Variants in DNM1 observed in about 807,000 individuals in gnomAD.
DNM1 encodes dynamin-1.
A neutral mutation model predicts 104.6 loss-of-function variants in DNM1; 29 were observed. That is an observed-to-expected ratio of 0.28 (90% CI 0.21 to 0.38). The LOEUF (loss-of-function observed/expected upper bound fraction) is 0.38. Among genes scored for constraint, DNM1 ranks in the 10% least tolerant of loss-of-function variants. The pLI is 1.00. For synonymous variants in DNM1, 445 were observed against 475.8 expected (o/e 0.94, Z 0.84); for missense variants, 640 against 1,189.4 (o/e 0.54, Z 6.79).
chr9:128,207,212 T>C (rs1321459463), intron 1 of DNM1, among the ~76,000 whole-genome samples: 2 of 152,070 alleles, frequency 1.3e-5, no homozygotes, highest in African/African-American at 2.4e-5. Context: ...GAGCCTGAGA[T>C]GCCTGTTAGA....
At chr9:128,219,003 G>T (rs1834782152) in intron 3 of DNM1, 46 bp from the exon 4 acceptor site, 1 of 1,602,494 alleles carries the variant, frequency 6.2e-7, no homozygotes. Context: ...CCTCGCCCGC[G>T]GCCACGCCCC....
intron 14 of DNM1, among the ~76,000 whole-genome samples, chr9:128,241,802 G>A (rs1307607181): frequency 6.6e-6 from 1 of 152,096 alleles, no homozygotes; most frequent in Non-Finnish European, 1.5e-5. Flanking sequence ...AATTTGCCAG[G>A]CAAAAAGGAA....
intron 1 of DNM1, among the ~76,000 whole-genome samples, chr9:128,210,005 C>T (rs1440919344): frequency 6.6e-6 from 1 of 152,154 alleles, no homozygotes; most frequent in African/African-American, 2.4e-5. Context: ...CTGATGTCTT[C>T]TATCATTCCA....
intron 10 of DNM1, among the ~76,000 whole-genome samples, chr9:128,229,600 CAAAAAAAAA>C (rs56072236): frequency 6.0e-5 from 4 of 66,698 alleles, no homozygotes; most frequent in African/African-American, 1.8e-4. Flanking sequence ...AAAACCTTAT[CAAAAAAAAA>C]AAAAAAAAAA....
At chr9:128,246,812 C>T (rs1479781695) in intron 16 of DNM1, 6 of 436,766 alleles carry the variant, frequency 1.4e-5, no homozygotes, top group African/African-American at 8.0e-5. Context: ...CTCCCTCCCT[C>T]CGTCCCTTCC....
chr9:128,253,034 C>T lies in DNM1; in HGVS notation c.2535-1620C>T, dbSNP rs1444638244. On this transcript the variant is annotated intron_variant, in intron 21 of 21. Coordinates refer to ENST00000372923, the MANE Select transcript of DNM1 (RefSeq NM_004408.4). The surrounding 1 kb of genome is among the most constrained non-coding windows in gnomAD (Gnocchi z 5.9). ...CGCCCGGGCGTGTGCGTGTGTGTGT[C>T]CCCCACCCCCAGGCCGGCCCCACCC... 38 of 1,529,026 alleles carry T rather than the reference C, an allele frequency of 2.5e-5. No individual in the cohort carries two copies. The highest frequency in any genetic ancestry group is 3.2e-5 in the Non-Finnish European group (35 of 1,106,836). 94.7% of individuals were successfully genotyped at this position (1,529,026 alleles called of 1,614,324 possible).
Position 128,248,903 on chromosome 9 carries a change from T to G in DNM1, c.2076+150T>G. On this transcript the variant is annotated intron_variant, in intron 19 of 21. Transcript: ENST00000372923. This position sits in a 1 kb window ranked among gnomAD's most constrained non-coding sequence, Gnocchi z 5.6. ...AGACCAGAGCTGTCCAATAGAAATATCATGAGGGGCTGGGCGCGGTGGCTC... is the reference window on the plus strand; with the variant it reads ...AGACCAGAGCTGTCCAATAGAAATAGCATGAGGGGCTGGGCGCGGTGGCTC... 2.3e-6 allele frequency: 2 copies of G among 865,502 alleles called. No individual in the cohort carries two copies. The highest frequency in any genetic ancestry group is 3.5e-6 in the Non-Finnish European group (2 of 569,528). The allele number at this position is 865,502 out of a possible 1,614,324, so 53.6% of individuals were successfully genotyped here. A position where few individuals can be genotyped will look rare whatever the true frequency, so the allele number is the denominator to read the frequency against.
chr9:128,235,840 G>A (rs907074607), intron 11 of DNM1, among the ~76,000 whole-genome samples: 2 of 152,028 alleles, frequency 1.3e-5, no homozygotes, highest in African/African-American at 2.4e-5. Flanking sequence ...TTAGCCTCCC[G>A]AGTAGCTGGG....
chr9:128,250,012 C>A, intron 19 of DNM1, 103 bp from the exon 20 acceptor site: 1 of 1,563,700 alleles, frequency 6.4e-7, no homozygotes, highest in Non-Finnish European at 8.8e-7. Context: ...GGAGCCGCGT[C>A]TGAAAAGCCA....
chr9:128,225,060 C>T (rs978947707), intron 10 of DNM1, among the ~76,000 whole-genome samples: 6 of 152,146 alleles, frequency 3.9e-5, no homozygotes, highest in African/African-American at 1.2e-4. Flanking sequence ...ACAGGGAGGA[C>T]GGTGCCCATT....
chr9:128,251,077 C>A (rs1167491175), intron 21 of DNM1, 137 bp downstream of exon 21: 7 of 684,938 alleles, frequency 1.0e-5, no homozygotes, highest in Non-Finnish European at 1.8e-5. Context: ...CTCTGGGTGC[C>A]GGAGCCACGC....
rs1216428172 is a variant in DNM1, at chr9:128,224,834, AG to A, written c.1335+447del. Among the ~76,000 whole-genome samples, 1 of 152,118 alleles carries A rather than the reference AG, an allele frequency of 6.6e-6. No individual in the cohort carries two copies. Among genetic ancestry groups the A allele is most frequent in the Non-Finnish European group, 1.5e-5 (1 of 68,010 alleles). ...GCCTGGGTGGCCAGAGGGGGTGCAG[AG>A]GACCCAGGACTAGCAGGTGCCCTGG... On this transcript the variant is annotated intron_variant, in intron 10 of 21. Coordinates refer to ENST00000372923, the MANE Select transcript of DNM1 (RefSeq NM_004408.4). This position sits in a 1 kb window ranked among gnomAD's most constrained non-coding sequence, Gnocchi z 4.3.
chr9:128,249,358 A>T (rs1829367339), intron 19 of DNM1, among the ~76,000 whole-genome samples: 1 of 151,854 alleles, frequency 6.6e-6, no homozygotes, highest in Admixed American at 6.6e-5. Context: ...CAAAAATTTT[A>T]AAGAATAGCG....
At chr9:128,211,559 A>G (rs1421568345) in intron 1 of DNM1, among the ~76,000 whole-genome samples, 6 of 135,846 alleles carry the variant, frequency 4.4e-5, no homozygotes, top group South Asian at 2.4e-4. Flanking sequence ...GCCTCAAGCC[A>G]GGTCTCAAAC....
rs908317275 is a variant in DNM1 at position 128,247,786 on chromosome 9, C to T, written c.1894-138C>T. On this transcript the variant is annotated intron_variant, in intron 17 of 21. Coordinates refer to ENST00000372923, the MANE Select transcript of DNM1 (RefSeq NM_004408.4). The surrounding 1 kb of genome is among the most constrained non-coding windows in gnomAD (Gnocchi z 5.1). The stretch of plus-strand genomic sequence containing the variant: ...TCTTTTCTCCCCTATTTCACTGTGG[C>T]GATGTCTAGAGTAGCCTGAGAGTTG... The T allele has an allele frequency of 1.3e-5, 15 of 1,134,894 alleles. No individual in the cohort carries two copies. In the East Asian group the frequency reaches 2.1e-4, roughly 16 times the overall value. The allele number at this position is 1,134,894 out of a possible 1,614,324, so 70.3% of individuals were successfully genotyped here.
intron 10 of DNM1, chr9:128,231,888 T>C: frequency 2.6e-6 from 1 of 386,020 alleles, no homozygotes; most frequent in Non-Finnish European, 5.2e-6. Flanking sequence ...CAGGGCTGAA[T>C]GGCTCCAGGG....
intron 9 of DNM1, chr9:128,223,652 A>G (rs1588373503): frequency 6.6e-6 from 1 of 152,208 alleles, no homozygotes; most frequent in South Asian, 2.1e-4. Flanking sequence ...ACGTTTGGCA[A>G]TTTTCAAGCC....
Position 128,224,533 on chromosome 9 carries a change from G to A in DNM1, c.1335+144G>A. ...TGGGGAGGCAGGCCACCACTGAATA[G>A]GAGACAATGTGCCTCTGAGAGGGCC... On this transcript the variant is annotated intron_variant, in intron 10 of 21. Coordinates refer to ENST00000372923, the MANE Select transcript of DNM1 (RefSeq NM_004408.4). This position sits in a 1 kb window ranked among gnomAD's most constrained non-coding sequence, Gnocchi z 4.3. 2.8e-6 allele frequency: 2 copies of A among 715,520 alleles called. No individual in the cohort carries two copies. Among genetic ancestry groups the A allele is most frequent in the African/African-American group, 1.8e-5 (1 of 55,962 alleles). The allele number at this position is 715,520 out of a possible 1,614,324, so 44.3% of individuals were successfully genotyped here.
At chr9:128,227,277 G>A (rs776984715) in intron 10 of DNM1, among the ~76,000 whole-genome samples, 3 of 151,120 alleles carry the variant, frequency 2.0e-5, no homozygotes, top group East Asian at 1.9e-4. Flanking sequence ...GCCTCCCAAA[G>A]TGCTAGGATT....
Sources: gnomAD v4.1 joint callset for allele counts (sites outside exome capture counted in the v4.1 genomes callset) on GRCh38, gnomAD v4.1.1 for gene constraint, Gnocchi (gnomAD v3.1) non-coding constraint, MANE v1.5 for transcripts, NCBI Gene and HGNC (gene_info 2026-07-23, HGNC 2026-07-21) for gene names.